Variants in ADAMTS3 observed in about 807,000 individuals in gnomAD.
The protein encoded by ADAMTS3 is A disintegrin and metalloproteinase with thrombospondin motifs 3.
In ADAMTS3, 73 loss-of-function variants were observed where a neutral mutation model predicts 129.0. The observed-to-expected ratio is 0.57, with a 90% CI of 0.47 to 0.69. The LOEUF (loss-of-function observed/expected upper bound fraction) is 0.69, where lower values mean the gene tolerates loss of function less well. Ranked by LOEUF, ADAMTS3 falls within the 30% of genes least tolerant of loss-of-function variation. The pLI, the probability that ADAMTS3 is intolerant of heterozygous loss-of-function variation, is 0.00. For missense variants in ADAMTS3, 1,457 were observed against 1,514.5 expected, an observed-to-expected ratio of 0.96 and a Z score of 0.63; for synonymous variants, 477 against 510.8, an observed-to-expected ratio of 0.93 and a Z score of 0.89.
intron 4 of ADAMTS3, among the ~76,000 whole-genome samples, chr4:72,377,608 T>C (rs999688007): frequency 1.3e-5 from 2 of 152,170 alleles, no homozygotes; most frequent in South Asian, 2.1e-4. Flanking sequence ...GCGTAAACTT[T>C]CCTTCTGCAG....
At chr4:72,506,514 G>A (rs1216638127) in intron 3 of ADAMTS3, among the ~76,000 whole-genome samples, 1 of 152,188 alleles carries the variant, frequency 6.6e-6, no homozygotes, top group Non-Finnish European at 1.5e-5. Flanking sequence ...ATGCCTACAT[G>A]TCCATCATGC....
chr4:72,552,840 C>G (rs1285571645), intron 2 of ADAMTS3, among the ~76,000 whole-genome samples: 1 of 152,142 alleles, frequency 6.6e-6, no homozygotes, highest in Admixed American at 6.5e-5. Flanking sequence ...TACCCTCTGT[C>G]CCCCTTCTGT....
chr4:72,473,692 G>C (rs1719145497), intron 3 of ADAMTS3, among the ~76,000 whole-genome samples: 1 of 152,138 alleles, frequency 6.6e-6, no homozygotes, highest in Admixed American at 6.5e-5. Context: ...GTGGGGAGCT[G>C]GGACTTTCAT....
At chr4:72,304,221 T>G (rs1719027876) in intron 16 of ADAMTS3, 141 bp from the exon 17 acceptor site, 2 of 803,226 alleles carry the variant, frequency 2.5e-6, no homozygotes, top group Non-Finnish European at 3.9e-6. Context: ...GGGTGTTAGT[T>G]CTGATATTAT....
intron 3 of ADAMTS3, among the ~76,000 whole-genome samples, chr4:72,516,317 C>T (rs1085956): frequency 0.33 from 49,774 of 151,890 alleles, 8,706 homozygotes; most frequent in East Asian, 0.44. Flanking sequence ...CTTGGCAATG[C>T]GGGCTCTTTT....
intron 9 of ADAMTS3, among the ~76,000 whole-genome samples, chr4:72,318,973 G>A (rs531265077): frequency 6.6e-6 from 1 of 152,268 alleles, no homozygotes; most frequent in South Asian, 2.1e-4. Flanking sequence ...ACCACCACAT[G>A]GTGTGGTAGG....
chr4:72,492,100 T>C (rs1719763696), intron 3 of ADAMTS3, among the ~76,000 whole-genome samples: 1 of 151,714 alleles, frequency 6.6e-6, no homozygotes, highest in South Asian at 2.1e-4. Context: ...CAGAAAAAAA[T>C]TGTTTTAATG....
intron 19 of ADAMTS3, among the ~76,000 whole-genome samples, chr4:72,293,134 A>G (rs1388102932): frequency 2.0e-5 from 3 of 152,230 alleles, no homozygotes; most frequent in African/African-American, 7.2e-5. Context: ...AAGAAGAATG[A>G]AGTCCAACTC....
chr4:72,293,906 A>G (rs1386222202), intron 19 of ADAMTS3, among the ~76,000 whole-genome samples: 1 of 152,144 alleles, frequency 6.6e-6, no homozygotes, highest in African/African-American at 2.4e-5. Flanking sequence ...TTGAAAAAGA[A>G]ATACTTGAAT....
chr4:72,433,862 A>G (rs1386869033), intron 3 of ADAMTS3, among the ~76,000 whole-genome samples: 2 of 151,902 alleles, frequency 1.3e-5, no homozygotes, highest in African/African-American at 2.4e-5. Flanking sequence ...GTGGATGTTT[A>G]TCACAGGGAT....
At chr4:72,377,809 A>G (rs1296917723) in intron 4 of ADAMTS3, among the ~76,000 whole-genome samples, 1 of 152,140 alleles carries the variant, frequency 6.6e-6, no homozygotes, top group African/African-American at 2.4e-5. Context: ...GCTCAGAAAA[A>G]GGGCATTTTC....
In ADAMTS3 at chr4:72,342,689, T is replaced by C. The variant is rs1351659251; in HGVS notation, c.662-2996A>G. 2.0e-5 allele frequency among the ~76,000 whole-genome samples: 3 copies of C among 152,060 alleles called. No homozygotes were observed. In the East Asian group the frequency reaches 5.8e-4, roughly 29 times the overall value. ...ACCTGGCCCCAATTACTTCTGTAGATAGCATCACTATTGTGGAATCTAAGA... is the reference window on the plus strand; with the variant it reads ...ACCTGGCCCCAATTACTTCTGTAGACAGCATCACTATTGTGGAATCTAAGA... On this transcript the variant is annotated intron_variant, in intron 4 of 21. Coordinates refer to ENST00000286657, the MANE Select transcript of ADAMTS3 (RefSeq NM_014243.3).
intron 3 of ADAMTS3, among the ~76,000 whole-genome samples, chr4:72,446,836 T>C (rs990410199): frequency 6.6e-6 from 1 of 151,612 alleles, no homozygotes. Context: ...TTTCTATCCC[T>C]TCTCTAGTTT....
intron 3 of ADAMTS3, among the ~76,000 whole-genome samples, chr4:72,464,791 A>G (rs1308182225): frequency 1.3e-5 from 2 of 152,100 alleles, no homozygotes; most frequent in Non-Finnish European, 2.9e-5. Context: ...GATAGTTTGG[A>G]AAAGTAGTCT....
intron 3 of ADAMTS3, among the ~76,000 whole-genome samples, chr4:72,494,764 G>A (rs567724327): frequency 6.6e-6 from 1 of 152,318 alleles, no homozygotes; most frequent in African/African-American, 2.4e-5. Flanking sequence ...TGCCAACTGG[G>A]TAGGGTGTGA....
intron 2 of ADAMTS3, among the ~76,000 whole-genome samples, chr4:72,549,242 T>A (rs1721549600): frequency 6.6e-6 from 1 of 152,164 alleles, no homozygotes; most frequent in Non-Finnish European, 1.5e-5. Context: ...ATAACTGACA[T>A]CTGCTAAAAA....
At chr4:72,540,251 G>A (rs1245415246) in intron 3 of ADAMTS3, among the ~76,000 whole-genome samples, 1 of 152,152 alleles carries the variant, frequency 6.6e-6, no homozygotes, top group East Asian at 1.9e-4. Context: ...TCAGCAAAGA[G>A]ACTGGCAGCA....
intron 3 of ADAMTS3, among the ~76,000 whole-genome samples, chr4:72,472,588 A>G (rs1312608618): frequency 6.6e-6 from 1 of 152,090 alleles, no homozygotes; most frequent in East Asian, 1.9e-4. Context: ...TCCGTTCCCC[A>G]ATATATATTT....
At position 72,359,281 on chromosome 4, in the gene ADAMTS3, G is replaced by C. The variant is rs369099576; in HGVS notation, c.662-19588C>G. Among the ~76,000 whole-genome samples the C allele has an allele frequency of 1.6e-4, 24 of 151,990 alleles. No homozygotes were observed. The East Asian group carries it at 2.3e-3, about 15-fold the overall frequency. On this transcript the variant is annotated intron_variant, in intron 4 of 21. Transcript: ENST00000286657. ...CTTGCAAAATGTCCTTGATTAGCTT[G>C]CTTCTGCATTTCTATAAAATGGAGA...
Sources: gnomAD v4.1 joint callset for allele counts (sites outside exome capture counted in the v4.1 genomes callset) on GRCh38, gnomAD v4.1.1 for gene constraint, MANE v1.5 for transcripts, NCBI Gene and HGNC (gene_info 2026-07-23, HGNC 2026-07-21) for gene names.